Variants in GORAB observed in about 807,000 individuals in gnomAD.
GORAB encodes the protein RAB6-interacting golgin.
In GORAB, 17 loss-of-function variants were observed where a neutral mutation model predicts 29.9. The ratio of observed to expected loss-of-function variants is 0.57; its 90% CI spans 0.39 to 0.85. The LOEUF (loss-of-function observed/expected upper bound fraction) is 0.85. GORAB is among the 40% of genes least tolerant of loss of function. The pLI, the probability that GORAB is intolerant of heterozygous loss-of-function variation, is 0.00. For missense variants in GORAB, 442 were observed against 437.8 expected (o/e 1.01, Z -0.09); for synonymous variants, 183 against 157.2 (o/e 1.16, Z -1.23).
chr1:170,549,695 A>C (rs774259991), intron 4 of GORAB, among the ~76,000 whole-genome samples: 2 of 152,212 alleles, frequency 1.3e-5, no homozygotes, highest in Non-Finnish European at 2.9e-5. Flanking sequence ...TATCCAGTAG[A>C]GTTCCTTTAG....
rs138795185 is a variant in GORAB, at chr1:170,543,130, G to A, written c.521+538G>A. Among the ~76,000 whole-genome samples the A allele has an allele frequency of 2.5e-3, 386 of 152,262 alleles. 1 individual carries two copies. Among genetic ancestry groups the A allele is most frequent in the Non-Finnish European group, 4.8e-3 (328 of 68,026 alleles). The stretch of plus-strand genomic sequence containing the variant: ...TCAGGGTCATTATTATGAGCACTGT[G>A]TGAGATTCAATTTTTCTTTCACCTT... On this transcript the variant is annotated intron_variant, in intron 3 of 4. Transcript: ENST00000367763.
At position 170,542,475 on chromosome 1, in the gene GORAB, T is replaced by C. The variant is rs773217068; in HGVS notation, c.420-16T>C. 6.4e-7 allele frequency: 1 copy of C among 1,555,266 alleles called. No homozygotes were observed. Reference sequence around the variant, plus strand: ...TTCTTTCATAAACTCATTTTTATGCTTTTTTTGCCCCCTAGGCAAGAAAAA... The same window carrying C: ...TTCTTTCATAAACTCATTTTTATGCCTTTTTTGCCCCCTAGGCAAGAAAAA... On this transcript the variant is annotated splice_polypyrimidine_tract_variant and intron_variant, in intron 2 of 4. Coordinates refer to ENST00000367763, the MANE Select transcript of GORAB (RefSeq NM_152281.3).
intron 1 of GORAB, among the ~76,000 whole-genome samples, chr1:170,534,209 G>A (rs1558001114): frequency 6.6e-6 from 1 of 152,160 alleles, no homozygotes; most frequent in African/African-American, 2.4e-5. Flanking sequence ...TGTACAGCTG[G>A]TGGGAATATA....
intron 2 of GORAB, among the ~76,000 whole-genome samples, chr1:170,539,948 A>G (rs1424011186): frequency 2.6e-5 from 4 of 151,790 alleles, no homozygotes; most frequent in African/African-American, 4.8e-5. Context: ...ACTGAGCAGA[A>G]GCAGTTCTTT....
Position 170,539,477 on chromosome 1 carries a change from T to A in GORAB, c.329T>A (p.Leu110Gln), listed in dbSNP as rs770583915. Residue 110 changes from leucine to glutamine, a missense_variant, in exon 2 of 5, where the codon CTG becomes CAG. Transcript: ENST00000367763. ...GGCATTGAAAGTCAGCCAAAGGAAC[T>A]GGGACTTGAGAATTCCCATGATGGT... The part of the protein sequence containing the change: ...PQGIESQPKE[L>Q]GLENSHDGHN... The A allele has an allele frequency of 6.2e-7, 1 of 1,614,144 alleles. No homozygotes were observed. Among genetic ancestry groups the A allele is most frequent in the Non-Finnish European group, 8.5e-7 (1 of 1,179,990 alleles).
At position 170,552,450 on chromosome 1, in the gene GORAB, T is replaced by C; in HGVS notation, c.1098T>C (p.Ala366=). The C allele has an allele frequency of 6.2e-7, 1 of 1,613,688 alleles. No homozygotes were observed. The highest frequency in any genetic ancestry group is 8.5e-7 in the Non-Finnish European group (1 of 1,179,802). ...AAGAAGGTAATGACATTTCAGCTGC[T>C]TTGGCCACATGAAGTTCTGGTATTC... ...PNQEGNDISA[A]LAT is the part of the protein sequence containing the mutation. The change falls in exon 5 of 5, where the codon GCT becomes GCC. Residue 366 remains alanine, a synonymous_variant. Transcript: ENST00000367763.
intron 1 of GORAB, among the ~76,000 whole-genome samples, chr1:170,537,579 T>C (rs1649140395): frequency 6.6e-6 from 1 of 152,190 alleles, no homozygotes; most frequent in Admixed American, 6.5e-5. Context: ...AATCAAGATA[T>C]TTTACATAAA....
At chr1:170,539,062 GT>G (rs1254816690) in intron 1 of GORAB, 147 bp from the exon 2 acceptor site, 2 of 937,446 alleles carry the variant, frequency 2.1e-6, no homozygotes, top group Non-Finnish European at 3.2e-6. Flanking sequence ...GAAGATGGCT[GT>G]TTTTCCCCTA....
chr1:170,542,340 G>T (rs1386779679), intron 2 of GORAB, 151 bp from the exon 3 acceptor site: 6 of 577,834 alleles, frequency 1.0e-5, no homozygotes, highest in East Asian at 3.1e-5. Context: ...CTGCAGATGG[G>T]TTTCTTTTAA....
chr1:170,541,847 T>A (rs1649444898), intron 2 of GORAB, among the ~76,000 whole-genome samples: 1 of 152,022 alleles, frequency 6.6e-6, no homozygotes, highest in Admixed American at 6.6e-5. Flanking sequence ...GCACAGTGGC[T>A]CACACCTGTA....
At chr1:170,544,066 T>C (rs1054283050) in intron 3 of GORAB, among the ~76,000 whole-genome samples, 1 of 152,158 alleles carries the variant, frequency 6.6e-6, no homozygotes, top group African/African-American at 2.4e-5. Flanking sequence ...TTCTTAAGTA[T>C]ATATTGTACT....
chr1:170,544,575 G>A (rs1250752700), intron 3 of GORAB, 130 bp from the exon 4 acceptor site: 1 of 647,858 alleles, frequency 1.5e-6, no homozygotes, highest in Middle Eastern at 4.6e-4. Flanking sequence ...CAATTTTTCT[G>A]ATTTTTTTCT....
chr1:170,539,692 G>A, intron 2 of GORAB, 125 bp downstream of exon 2: 1 of 997,526 alleles, frequency 1.0e-6, no homozygotes, highest in Non-Finnish European at 1.5e-6. Context: ...TTCAATCATA[G>A]GAATGTGATG....
intron 1 of GORAB, among the ~76,000 whole-genome samples, chr1:170,538,461 AC>A (rs1003756944): frequency 2.6e-5 from 4 of 152,188 alleles, no homozygotes; most frequent in Non-Finnish European, 4.4e-5. Flanking sequence ...AGATGTTAAC[AC>A]TGGCATGGAC....
chr1:170,543,119 A>G (rs926976294), intron 3 of GORAB, among the ~76,000 whole-genome samples: 1 of 152,166 alleles, frequency 6.6e-6, no homozygotes, highest in African/African-American at 2.4e-5. Flanking sequence ...GGTCATTATT[A>G]TGAGCACTGT....
chr1:170,552,200 T>C lies in GORAB; in HGVS notation c.848T>C (p.Leu283Ser), dbSNP rs1328412291. The change falls in exon 5 of 5, where the codon TTG becomes TCG. Residue 283 changes from leucine (L) to serine (S), a missense_variant. Physicochemically the swap from Leu to Ser is moderately radical, Grantham distance 145. Transcript: ENST00000367763. ...GATGTAGAAGCCGATGAAGAGACTT[T>C]GGAGCTTGAGGTGGAGGTCGAGAGA... ...QLDVEADEET[L>S]ELEVEVERLL... 2 of 1,613,970 alleles carry C rather than the reference T, an allele frequency of 1.2e-6. No homozygotes were observed. Among genetic ancestry groups the C allele is most frequent in the African/African-American group, 1.3e-5 (1 of 74,918 alleles).
chr1:170,547,002 A>G (rs1649805102), intron 4 of GORAB, among the ~76,000 whole-genome samples: 1 of 152,136 alleles, frequency 6.6e-6, no homozygotes, highest in African/African-American at 2.4e-5. Context: ...GCTATTTTCA[A>G]AAGCCGAAGC....
chr1:170,533,902 CT>C (rs1157652148), intron 1 of GORAB, among the ~76,000 whole-genome samples: 10 of 152,140 alleles, frequency 6.6e-5, no homozygotes, highest in Admixed American at 6.5e-4. Context: ...TCCTCTAAAT[CT>C]TTTCTCCTTG....
Position 170,539,565 on chromosome 1 carries a change from A to G in GORAB, c.417A>G (p.Glu139=). Residue 139 remains glutamate, a splice_region_variant and synonymous_variant, in exon 2 of 5, where the codon GAA becomes GAG. Transcript: ENST00000367763. ...GCAAATTGGAGAAAAAGAAAGTGGAATTGTTAGTAAGTCTATGTGAAAAGT... is the reference window on the plus strand; with the variant it reads ...GCAAATTGGAGAAAAAGAAAGTGGAGTTGTTAGTAAGTCTATGTGAAAAGT... ...PDCKLEKKKV[E]LQEKSRWEVL... is the part of the protein sequence containing the mutation. 1 of 1,613,918 alleles carries G rather than the reference A, an allele frequency of 6.2e-7. No individual in the cohort carries two copies. Among genetic ancestry groups the G allele is most frequent in the Non-Finnish European group, 8.5e-7 (1 of 1,179,944 alleles).
Sources: allele counts gnomAD v4.1 joint callset (sites outside exome capture counted in the v4.1 genomes callset), GRCh38; gene constraint gnomAD v4.1.1; transcripts MANE v1.5; gene names NCBI Gene and HGNC (gene_info 2026-07-23, HGNC 2026-07-21).